ROR1: variants seen among roughly 807,000 people sequenced by gnomAD.
ROR1 encodes inactive tyrosine-protein kinase transmembrane receptor ROR1.
A neutral mutation model predicts 78.8 loss-of-function variants in ROR1; 19 were observed. That is an observed-to-expected ratio of 0.24 (90% CI 0.17 to 0.35). ROR1 has a LOEUF of 0.35. Ranked by LOEUF, ROR1 falls within the 10% of genes least tolerant of loss-of-function variation. The pLI, the probability that ROR1 is intolerant of heterozygous loss-of-function variation, is 1.00. For missense variants in ROR1, 917 were observed against 1,177.8 expected, an observed-to-expected ratio of 0.78 and a Z score of 3.24; for synonymous variants, 386 against 433.6, an observed-to-expected ratio of 0.89 and a Z score of 1.36.
intron 1 of ROR1, among the ~76,000 whole-genome samples, chr1:63,816,264 G>A (rs1644891637): frequency 6.6e-6 from 1 of 152,132 alleles, no homozygotes; most frequent in South Asian, 2.1e-4. Context: ...TTGGCTCTGT[G>A]TCCCCACCCA....
chr1:63,956,851 A>C (rs968428190), intron 1 of ROR1, among the ~76,000 whole-genome samples: 1 of 152,180 alleles, frequency 6.6e-6, no homozygotes, highest in South Asian at 2.1e-4. Context: ...GGTTACTTGG[A>C]TATCCTTCTG....
At chr1:64,131,679 A>G (rs1381332128) in intron 4 of ROR1, among the ~76,000 whole-genome samples, 3 of 152,168 alleles carry the variant, frequency 2.0e-5, no homozygotes, top group Non-Finnish European at 4.4e-5. Flanking sequence ...CAGTGATGTG[A>G]TCATGGCTAA....
At chr1:63,803,452 TC>T (rs1354121998) in intron 1 of ROR1, among the ~76,000 whole-genome samples, 3 of 152,014 alleles carry the variant, frequency 2.0e-5, no homozygotes, top group Non-Finnish European at 4.4e-5. Flanking sequence ...CAAGCAATTC[TC>T]CTGCCTCAGT....
rs370118412 is a variant in ROR1, at chr1:64,171,571, G to T, written c.1387-5857G>T. Reference sequence around the variant, plus strand: ...AGCTTCAAAAGAATAGCATAGATTTGAAAAAGGGCAGCAGTCAGTCTTGGG... The same window carrying T: ...AGCTTCAAAAGAATAGCATAGATTTTAAAAAGGGCAGCAGTCAGTCTTGGG... On this transcript the variant is annotated intron_variant, in intron 8 of 8. Transcript: ENST00000371079. Among the ~76,000 whole-genome samples the T allele has an allele frequency of 5.3e-5, 8 of 152,240 alleles. No individual in the cohort carries two copies. The South Asian group carries it at 1.7e-3, about 32-fold the overall frequency.
chr1:64,175,215 T>G (rs11208376), intron 8 of ROR1, among the ~76,000 whole-genome samples: 90,833 of 151,586 alleles, frequency 0.6, 27,552 homozygotes, highest in Non-Finnish European at 0.64. Context: ...GTTTCTTTAT[T>G]CTTATACAAA....
chr1:63,911,221 G>T (rs143700688), intron 1 of ROR1, among the ~76,000 whole-genome samples: 1 of 152,162 alleles, frequency 6.6e-6, no homozygotes, highest in Non-Finnish European at 1.5e-5. Flanking sequence ...TCATTTCTGT[G>T]GTGTGGCCTA....
In ROR1 at chr1:63,774,935, G is replaced by T. The variant is rs1644604724; in HGVS notation, c.91+427G>T. Reference sequence around the variant, plus strand: ...AGCCGGCCCGGAAGGCGCGGTCCAGGAGGGAGTTTGGATTTTCAGTGGTGC... The same window carrying T: ...AGCCGGCCCGGAAGGCGCGGTCCAGTAGGGAGTTTGGATTTTCAGTGGTGC... On this transcript the variant is annotated intron_variant, in intron 1 of 8. Transcript: ENST00000371079. This position sits in a 1 kb window ranked among gnomAD's most constrained non-coding sequence, Gnocchi z 5.7. Among the ~76,000 whole-genome samples, 1 of 152,258 alleles carries T rather than the reference G, an allele frequency of 6.6e-6. No individual in the cohort carries two copies. Among genetic ancestry groups the T allele is most frequent in the South Asian group, 2.1e-4 (1 of 4,826 alleles).
At chr1:63,994,368 G>A (rs1041303606) in intron 1 of ROR1, among the ~76,000 whole-genome samples, 6 of 152,104 alleles carry the variant, frequency 3.9e-5, no homozygotes, top group Middle Eastern at 3.2e-3. Flanking sequence ...AGACCTCGGC[G>A]GGGACCTTGA....
intron 1 of ROR1, among the ~76,000 whole-genome samples, chr1:63,937,956 G>T (rs1258667235): frequency 6.6e-6 from 1 of 152,062 alleles, no homozygotes; most frequent in East Asian, 1.9e-4. Context: ...GTGCTCTTCT[G>T]CCTAAACACC....
At chr1:63,926,516 T>G (rs1645705719) in intron 1 of ROR1, among the ~76,000 whole-genome samples, 1 of 150,674 alleles carries the variant, frequency 6.6e-6, no homozygotes, top group South Asian at 2.1e-4. Flanking sequence ...CCATATGAAC[T>G]TTAAAGTAGT....
chr1:63,938,001 G>A (rs1006753263), intron 1 of ROR1, among the ~76,000 whole-genome samples: 6 of 152,046 alleles, frequency 3.9e-5, no homozygotes, highest in Non-Finnish European at 5.9e-5. Flanking sequence ...CCAAATCCTG[G>A]CTCCCTCTTC....
At position 63,926,085 on chromosome 1, in the gene ROR1, T is replaced by C. The variant is rs1029415823; in HGVS notation, c.92-83220T>C. Among the ~76,000 whole-genome samples, 7 of 152,342 alleles carry C rather than the reference T, an allele frequency of 4.6e-5. No individual in the cohort carries two copies. In the South Asian group the frequency reaches 8.3e-4, roughly 18 times the overall value. ...TTTGGTGTTTTAGACATGAAGTCCT[T>C]GTCCATGCCTAAGTCCTGAATGGTA... is the stretch of plus-strand genomic sequence containing the variant. On this transcript the variant is annotated intron_variant, in intron 1 of 8. Coordinates refer to ENST00000371079, the MANE Select transcript of ROR1 (RefSeq NM_005012.4).
At chr1:64,169,554 G>A (rs1191512313) in intron 8 of ROR1, among the ~76,000 whole-genome samples, 1 of 151,984 alleles carries the variant, frequency 6.6e-6, no homozygotes, top group Admixed American at 6.6e-5. Context: ...ATTTGGGTGG[G>A]GACACTGCCA....
intron 1 of ROR1, among the ~76,000 whole-genome samples, chr1:63,837,092 C>A (rs1645022622): frequency 6.6e-6 from 1 of 152,148 alleles, no homozygotes. Context: ...TCTGTACTTT[C>A]CACTGAACTC....
chr1:63,976,742 A>T (rs1191699837), intron 1 of ROR1, among the ~76,000 whole-genome samples: 1 of 152,172 alleles, frequency 6.6e-6, no homozygotes, highest in East Asian at 1.9e-4. Context: ...AGTATCCCTT[A>T]TCCAAAAATC....
At chr1:63,817,818 G>C (rs1053157840) in intron 1 of ROR1, among the ~76,000 whole-genome samples, 3 of 152,180 alleles carry the variant, frequency 2.0e-5, no homozygotes, top group African/African-American at 7.2e-5. Flanking sequence ...GCCAGGGCTG[G>C]CTGGTTTGTG....
rs112423773 is a variant in ROR1 at position 64,014,713 on chromosome 1, C to CTATATATATATATATATA, written c.163+5351_163+5352insTATATATATATATATATA. On this transcript the variant is annotated intron_variant, in intron 2 of 8. Coordinates refer to ENST00000371079, the MANE Select transcript of ROR1 (RefSeq NM_005012.4). ...GCAAATAGTTCTCTGTGCTGACAGACTATATATATATATACACATACGCAC... is the reference window on the plus strand; with the variant it reads ...GCAAATAGTTCTCTGTGCTGACAGACTATATATATATATATATATATATATATATATACACATACGCAC... Among the ~76,000 whole-genome samples the CTATATATATATATATATA allele has an allele frequency of 5.3e-3, 154 of 29,308 alleles. 12 individuals are homozygous for CTATATATATATATATATA. The highest frequency in any genetic ancestry group is 0.011 in the Non-Finnish European group (120 of 11,364). 19.2% of individuals were successfully genotyped at this position (29,308 alleles called of 152,430 possible).
intron 1 of ROR1, among the ~76,000 whole-genome samples, chr1:63,846,118 A>ATGTGTGTGTG (rs71056009): frequency 7.3e-6 from 1 of 136,320 alleles, no homozygotes; most frequent in African/African-American, 2.7e-5. Flanking sequence ...GAGAGAGAGA[A>ATGTGTGTGTG]TGTGTGTGTG....
intron 1 of ROR1, among the ~76,000 whole-genome samples, chr1:63,823,220 T>C (rs951644448): frequency 6.6e-6 from 1 of 152,100 alleles, no homozygotes; most frequent in Non-Finnish European, 1.5e-5. Flanking sequence ...CCTTGGTCCC[T>C]CCCAATCCAT....
Sources: gnomAD v4.1 joint callset for allele counts (sites outside exome capture counted in the v4.1 genomes callset) on GRCh38, gnomAD v4.1.1 for gene constraint, Gnocchi (gnomAD v3.1) non-coding constraint, MANE v1.5 for transcripts, NCBI Gene and HGNC (gene_info 2026-07-23, HGNC 2026-07-21) for gene names.